The following FBXO25 variants were observed in gnomAD, a reference collection of about 807,000 sequenced individuals.
The protein encoded by FBXO25 is F-box only protein 25.
Under a neutral mutation model 51.9 loss-of-function variants are expected in FBXO25, and 45 were observed. That is an observed-to-expected ratio of 0.87 (90% confidence interval 0.68 to 1.11). The LOEUF (loss-of-function observed/expected upper bound fraction) is 1.11. Ranked by LOEUF, FBXO25 falls within the 50% of genes most tolerant of loss-of-function variation. The pLI is 0.00. For synonymous variants in FBXO25, 199 were observed against 151.0 expected, an observed-to-expected ratio of 1.32 and a Z score of -2.33; for missense variants, 507 against 428.5, an observed-to-expected ratio of 1.18 and a Z score of -1.62.
chr8:458,576 C>T lies in FBXO25; in HGVS notation c.843+25C>T, dbSNP rs141934181. Reference sequence around the variant, plus strand: ...GGTGAGTGGGATGCAGCAGTCTCCCCTCAGGCTGGGAGTTTATAGACTCTG... The same window carrying T: ...GGTGAGTGGGATGCAGCAGTCTCCCTTCAGGCTGGGAGTTTATAGACTCTG... On this transcript the variant is annotated intron_variant, in intron 8 of 9. Transcript: ENST00000350302. The T allele has an allele frequency of 1.6e-3, 2,656 of 1,610,120 alleles. 50 individuals are homozygous for T. The African/African-American group carries it at 0.031, about 19-fold the overall frequency.
intron 9 of FBXO25, among the ~76,000 whole-genome samples, chr8:466,091 C>G (rs1158807485): frequency 6.6e-6 from 1 of 152,198 alleles, no homozygotes; most frequent in East Asian, 1.9e-4. Context: ...CAGCTTCTCC[C>G]ACTGAATATC....
intron 5 of FBXO25, among the ~76,000 whole-genome samples, chr8:443,647 T>C (rs1798563563): frequency 6.6e-6 from 1 of 151,096 alleles, no homozygotes; most frequent in Non-Finnish European, 1.5e-5. Context: ...GGAGGGCATG[T>C]TTTAATCCAG....
intron 1 of FBXO25, among the ~76,000 whole-genome samples, 167 bp downstream of exon 1, chr8:407,233 C>T (rs1474816184): frequency 1.4e-5 from 2 of 141,184 alleles, no homozygotes; most frequent in African/African-American, 5.4e-5. Context: ...GGGTCGCGAG[C>T]GCGTCAGGTG....
At chr8:449,605 T>A in intron 5 of FBXO25, among the ~76,000 whole-genome samples, 1 of 152,224 alleles carries the variant, frequency 6.6e-6, no homozygotes, top group East Asian at 1.9e-4. Context: ...GCTTAGGTTG[T>A]GAAAATACTT....
chr8:462,276 C>T (rs1237091360), intron 8 of FBXO25, among the ~76,000 whole-genome samples: 1 of 152,190 alleles, frequency 6.6e-6, no homozygotes, highest in African/African-American at 2.4e-5. Flanking sequence ...ATTTCTGAGA[C>T]TTATTTAGAT....
chr8:433,362 C>A (rs1195052027), intron 4 of FBXO25, among the ~76,000 whole-genome samples: 2 of 152,278 alleles, frequency 1.3e-5, no homozygotes, highest in South Asian at 2.1e-4. Context: ...CAAGCATGGA[C>A]TCCTGCAGTC....
rs1263996752 is a variant in FBXO25 at position 413,117 on chromosome 8, G to A, written c.38G>A (p.Trp13Ter). 6.2e-7 allele frequency: 1 copy of A among 1,605,202 alleles called. No individual in the cohort carries two copies. Among genetic ancestry groups the A allele is most frequent in the Non-Finnish European group, 8.5e-7 (1 of 1,176,394 alleles). The change falls in exon 2 of 10, where the codon TGG becomes TAG. Residue 13 changes from tryptophan (W) to a stop codon, truncating the protein, a stop_gained. Transcript: ENST00000350302. LOFTEE classifies it high-confidence loss of function. The stretch of plus-strand genomic sequence containing the variant: ...GGTCAGGACTGGAGATCTCCTGGAT[G>A]GAGTTGGATTAAGACAGAAGATGGC... Reference protein sequence around the residue: ...FLGQDWRSPGWSWIKTEDGWK... With the variant: ...FLGQDWRSPG
At chr8:413,436 C>T (rs191762550) in intron 2 of FBXO25, among the ~76,000 whole-genome samples, 67 of 151,946 alleles carry the variant, frequency 4.4e-4, no homozygotes, top group African/African-American at 1.6e-3. Flanking sequence ...ACATTTAATC[C>T]TCACAATAAT....
chr8:473,835 A>G lies in FBXO25; in HGVS notation c.*5031A>G, dbSNP rs1036989097. 3 of 152,210 alleles carry G rather than the reference A, an allele frequency of 2.0e-5. No individual in the cohort carries two copies. The highest frequency in any genetic ancestry group is 4.8e-5 in the African/African-American group (2 of 41,456). 9.4% of individuals were successfully genotyped at this position (152,210 alleles called of 1,614,324 possible). On this transcript the variant is annotated 3_prime_UTR_variant, in exon 10 of 10. Transcript: ENST00000350302. Reference sequence around the variant, plus strand: ...GTTTTTGCATGGAAATTTCATTTTTATTTGATAATCATTTGAGAAACTTGC... The same window carrying G: ...GTTTTTGCATGGAAATTTCATTTTTGTTTGATAATCATTTGAGAAACTTGC...
chr8:462,944 C>T (rs76612974), intron 8 of FBXO25, 63 bp from the exon 9 acceptor site: 93,268 of 1,523,352 alleles, frequency 0.061, 3,346 homozygotes, highest in African/African-American at 0.15. Flanking sequence ...AAAAGTTTTA[C>T]ACCTAATATT....
At position 474,040 on chromosome 8, in the gene FBXO25, G is replaced by C. The variant is rs987475424; in HGVS notation, c.*5236G>C. 4.6e-5 allele frequency: 7 copies of C among 152,190 alleles called. No homozygotes were observed. The highest frequency in any genetic ancestry group is 1.4e-4 in the African/African-American group (6 of 41,406). 9.4% of individuals were successfully genotyped at this position (152,190 alleles called of 1,614,324 possible). On this transcript the variant is annotated 3_prime_UTR_variant, in exon 10 of 10. Coordinates refer to ENST00000350302, the MANE Select transcript of FBXO25 (RefSeq NM_183420.2). ...AACCTTCTCTACCACGTATCCACAA[G>C]TTCAACTTTACAAGATGAACTTTTG... is the stretch of plus-strand genomic sequence containing the variant.
intron 5 of FBXO25, among the ~76,000 whole-genome samples, chr8:444,341 C>T (rs1477491987): frequency 6.6e-6 from 1 of 152,192 alleles, no homozygotes; most frequent in African/African-American, 2.4e-5. Context: ...GGAGCACAGG[C>T]ACACATGCAG....
chr8:429,395 G>C (rs1202129385), intron 2 of FBXO25, among the ~76,000 whole-genome samples: 1 of 152,072 alleles, frequency 6.6e-6, no homozygotes, highest in Non-Finnish European at 1.5e-5. Context: ...CAAGTTGTTG[G>C]GCAGGTTCCC....
intron 1 of FBXO25, among the ~76,000 whole-genome samples, chr8:408,291 A>G (rs1796284579): frequency 6.6e-6 from 1 of 152,046 alleles, no homozygotes; most frequent in Non-Finnish European, 1.5e-5. Flanking sequence ...GTTCATCATT[A>G]CTTGAAATCA....
At chr8:447,037 G>T (rs532932993) in intron 5 of FBXO25, among the ~76,000 whole-genome samples, 4 of 152,304 alleles carry the variant, frequency 2.6e-5, no homozygotes, top group Admixed American at 6.5e-5. Flanking sequence ...ACTATAGGCG[G>T]AACTGAGCAG....
intron 2 of FBXO25, among the ~76,000 whole-genome samples, chr8:413,983 T>C: frequency 6.6e-6 from 1 of 152,210 alleles, no homozygotes; most frequent in Non-Finnish European, 1.5e-5. Flanking sequence ...GGTCTTGAGA[T>C]AGCCTCCTCT....
chr8:466,994 G>C (rs1002017297), intron 9 of FBXO25, among the ~76,000 whole-genome samples: 1 of 152,162 alleles, frequency 6.6e-6, no homozygotes, highest in African/African-American at 2.4e-5. Flanking sequence ...TGGTGTATCA[G>C]TTGCCAGAAT....
At chr8:431,477 G>C in intron 3 of FBXO25, 33 bp downstream of exon 3, 1 of 1,081,632 alleles carries the variant, frequency 9.2e-7, no homozygotes. Flanking sequence ...TATTTTACTT[G>C]TTGATTACGT....
intron 2 of FBXO25, among the ~76,000 whole-genome samples, chr8:427,763 C>G (rs1347342150): frequency 4.0e-5 from 6 of 150,280 alleles, no homozygotes; most frequent in Admixed American, 4.0e-4. Flanking sequence ...TTACTGGTAA[C>G]AAAAGTTTTG....
Sources: allele counts gnomAD v4.1 joint callset (sites outside exome capture counted in the v4.1 genomes callset), GRCh38; gene constraint gnomAD v4.1.1; transcripts MANE v1.5; gene names NCBI Gene and HGNC (gene_info 2026-07-23, HGNC 2026-07-21).